ZNF676: variants seen among roughly 807,000 people sequenced by gnomAD.
ZNF676 encodes zinc finger protein 676.
A neutral mutation model predicts 6.0 loss-of-function variants in ZNF676; 4 were observed. The observed-to-expected ratio is 0.67, with a 90% CI of 0.33 to 1.53. ZNF676 has a LOEUF of 1.53. Ranked by LOEUF, ZNF676 falls within the 40% of genes most tolerant of loss-of-function variation. The pLI is 0.06. For missense variants in ZNF676, 644 were observed against 679.7 expected, an observed-to-expected ratio of 0.95 and a Z score of 0.58; for synonymous variants, 198 against 223.1, an observed-to-expected ratio of 0.89 and a Z score of 1.00.
chr19:22,200,577 G>A (rs1051658530), upstream of ZNF676, among the ~76,000 whole-genome samples: 2 of 134,930 alleles, frequency 1.5e-5, no homozygotes, highest in Admixed American at 8.5e-5. Context: ...GGAGTGCAAT[G>A]GTGTGATCTC....
intron 1 of ZNF676, among the ~76,000 whole-genome samples, chr19:22,213,641 G>A (rs540539388): frequency 1.1e-4 from 16 of 150,834 alleles, no homozygotes; most frequent in African/African-American, 3.9e-4. Context: ...TATGGGAGAT[G>A]AGAGGCTACA....
At chr19:22,196,040 C>T (rs1405762718) in intron 1 of ZNF676, among the ~76,000 whole-genome samples, 8 of 152,046 alleles carry the variant, frequency 5.3e-5, no homozygotes, top group Non-Finnish European at 8.8e-5. Context: ...CTGTAAAATC[C>T]GACGGACCAA....
intron 1 of ZNF676, among the ~76,000 whole-genome samples, chr19:22,215,040 C>CAA (rs1159376851): frequency 0.3 from 15,220 of 50,914 alleles, 1,333 homozygotes; most frequent in South Asian, 0.48. Context: ...GACTCCATCT[C>CAA]AAAAAAAAAA....
the ZNF676 span, among the ~76,000 whole-genome samples, chr19:22,239,313 C>T: frequency 6.6e-6 from 1 of 150,410 alleles, no homozygotes; most frequent in Non-Finnish European, 1.5e-5. Flanking sequence ...GTAGCTAGGA[C>T]TACAGGCACC....
At chr19:22,197,214 C>A (rs1027814328), upstream of ZNF676, among the ~76,000 whole-genome samples, 5 of 151,294 alleles carry the variant, frequency 3.3e-5, no homozygotes, top group Admixed American at 3.3e-4. Context: ...CCTAGCTACT[C>A]GGGAGGCTGA....
the ZNF676 span, among the ~76,000 whole-genome samples, chr19:22,232,388 G>A: frequency 6.6e-6 from 1 of 152,074 alleles, no homozygotes; most frequent in African/African-American, 2.4e-5. Flanking sequence ...GGATGGTCTT[G>A]ATCTCTTGAC....
At chr19:22,258,445 T>C in the ZNF676 span, among the ~76,000 whole-genome samples, 2 of 152,152 alleles carry the variant, frequency 1.3e-5, no homozygotes, top group Non-Finnish European at 2.9e-5. Context: ...ATGTCCCCTG[T>C]GGGCAAAACC....
chr19:22,197,341 CGTGT>C (rs2023978093), upstream of ZNF676, among the ~76,000 whole-genome samples: 4 of 151,026 alleles, frequency 2.6e-5, no homozygotes, highest in South Asian at 8.3e-4. Context: ...AAAAATTCAT[CGTGT>C]GTATTTTTCA....
At chr19:22,248,112 G>A in the ZNF676 span, among the ~76,000 whole-genome samples, 3 of 151,936 alleles carry the variant, frequency 2.0e-5, no homozygotes, top group Non-Finnish European at 2.9e-5. Context: ...ATTCCATGGT[G>A]TATATGTGCC....
chr19:22,258,145 T>C, the ZNF676 span, among the ~76,000 whole-genome samples: 1,262 of 151,638 alleles, frequency 8.3e-3, 15 homozygotes, highest in African/African-American at 0.028. Context: ...GTCACTCTCT[T>C]CTCTGTGGGC....
upstream of ZNF676, among the ~76,000 whole-genome samples, chr19:22,218,875 GT>G: frequency 6.6e-6 from 1 of 152,152 alleles, no homozygotes; most frequent in East Asian, 1.9e-4. Flanking sequence ...TTGTAGTATA[GT>G]TTGAAGTCAG....
the ZNF676 span, among the ~76,000 whole-genome samples, chr19:22,231,647 G>A: frequency 3.3e-3 from 416 of 127,148 alleles, 1 homozygote; most frequent in Non-Finnish European, 4.9e-3. Flanking sequence ...TCTGTTTCCA[G>A]GCTGGAGTGC....
At chr19:22,255,647 C>T in the ZNF676 span, among the ~76,000 whole-genome samples, 2,622 of 152,116 alleles carry the variant, frequency 0.017, 60 homozygotes, top group African/African-American at 0.055. Context: ...AGATCGAGAC[C>T]ATCCTGGCTA....
At chr19:22,256,311 T>TA in the ZNF676 span, among the ~76,000 whole-genome samples, 1 of 152,016 alleles carries the variant, frequency 6.6e-6, no homozygotes, top group Non-Finnish European at 1.5e-5. Context: ...CAGAGATTTG[T>TA]ACAATATTCC....
At chr19:22,215,805 C>A (rs554187827), upstream of ZNF676, 77 of 686,628 alleles carry the variant, frequency 1.1e-4, 1 homozygote, top group Middle Eastern at 3.7e-4. Flanking sequence ...TGTCCCCCCC[C>A]CCAGCTGCCT....
the ZNF676 span, among the ~76,000 whole-genome samples, chr19:22,229,703 C>T: frequency 3.3e-5 from 5 of 152,254 alleles, no homozygotes; most frequent in South Asian, 1.0e-3. Flanking sequence ...AGAACAGACA[C>T]TTCTCAAAAG....
chr19:22,209,844 G>A (rs1175321070), intron 1 of ZNF676, among the ~76,000 whole-genome samples: 1 of 152,104 alleles, frequency 6.6e-6, no homozygotes, highest in Non-Finnish European at 1.5e-5. Context: ...CTGAAAATAG[G>A]GATATGCCAG....
the ZNF676 span, among the ~76,000 whole-genome samples, chr19:22,236,006 A>C: frequency 6.6e-6 from 1 of 151,104 alleles, no homozygotes; most frequent in African/African-American, 2.4e-5. Flanking sequence ...ATCCACTGTC[A>C]TTCTCCAAAA....
chr19:22,189,544 T>C (rs2023877489), intron 2 of ZNF676, among the ~76,000 whole-genome samples: 1 of 152,006 alleles, frequency 6.6e-6, no homozygotes, highest in African/African-American at 2.4e-5. Context: ...CTAAAGAGCT[T>C]CTACACAGCA....
Sources: gnomAD v4.1 joint callset for allele counts (sites outside exome capture counted in the v4.1 genomes callset) on GRCh38, gnomAD v4.1.1 for gene constraint, MANE v1.5 for transcripts, NCBI Gene and HGNC (gene_info 2026-07-23, HGNC 2026-07-21) for gene names.